NPR2: variants seen among roughly 807,000 people sequenced by gnomAD.
The protein encoded by NPR2 is atrial natriuretic peptide receptor 2.
NPR2 carries 49 observed loss-of-function variants against 120.7 expected under a neutral mutation model. The ratio of observed to expected loss-of-function variants is 0.41; its 90% CI spans 0.32 to 0.52. The LOEUF is 0.52. Among genes scored for constraint, NPR2 ranks in the 20% least tolerant of loss-of-function variants. The pLI, the probability that NPR2 is intolerant of heterozygous loss-of-function variation, is 0.36. For synonymous variants in NPR2, 484 were observed against 519.8 expected (o/e 0.93, Z 0.94); for missense variants, 931 against 1,362.9 (o/e 0.68, Z 4.99).
rs555703772 is a variant in NPR2, at chr9:35,803,294, C to T, written c.1887+491C>T. ...AATTTTTTTGTATTTTTAGTAGAGA[C>T]GGGGTTTCACCGTTTTAGCCGGGAT... On this transcript the variant is annotated intron_variant, in intron 12 of 21. Coordinates refer to ENST00000342694, the MANE Select transcript of NPR2 (RefSeq NM_003995.4). Among the ~76,000 whole-genome samples, 108 of 102,282 alleles carry T rather than the reference C, an allele frequency of 1.1e-3. 11 individuals carry two copies. The South Asian group carries it at 0.026, about 25-fold the overall frequency. The allele number at this position is 102,282 out of a possible 152,430, so 67.1% of individuals were successfully genotyped here. A position where few individuals can be genotyped will look rare whatever the true frequency, so the allele number is the denominator to read the frequency against.
At chr9:35,798,733 T>C (rs1297723447) in intron 2 of NPR2, among the ~76,000 whole-genome samples, 2 of 152,250 alleles carry the variant, frequency 1.3e-5, no homozygotes, top group African/African-American at 2.4e-5. Context: ...AGTGACTATG[T>C]GGCCTGAGGC....
chr9:35,794,756 A>G (rs1827896306), intron 2 of NPR2, among the ~76,000 whole-genome samples: 1 of 152,172 alleles, frequency 6.6e-6, no homozygotes, highest in Admixed American at 6.5e-5. Context: ...CAGGAAATAA[A>G]GTTGCAAAGG....
chr9:35,803,879 C>A (rs1390438683), intron 12 of NPR2, among the ~76,000 whole-genome samples: 1 of 152,184 alleles, frequency 6.6e-6, no homozygotes, highest in Admixed American at 6.5e-5. Context: ...ATGTCATGCT[C>A]AACTAGAGGT....
chr9:35,806,419 C>T lies in NPR2; in HGVS notation c.2400C>T (p.Asn800=), dbSNP rs761386247. Residue 800 remains asparagine, a synonymous_variant, in exon 16 of 22, where the codon AAC becomes AAT. Transcript: ENST00000342694. This position sits in a 1 kb window ranked among gnomAD's most constrained non-coding sequence, Gnocchi z 4.6. ...NKEGGTSILD[N]LLLRMEQYAN... is the part of the protein sequence containing the mutation. ...AGGGTGGCACCAGCATATTGGACAA[C>T]CTCCTGCTGCGCATGGAACAGTATG... The T allele has an allele frequency of 6.2e-7, 1 of 1,613,648 alleles. No homozygotes were observed. Among genetic ancestry groups the T allele is most frequent in the Non-Finnish European group, 8.5e-7 (1 of 1,179,538 alleles).
intron 2 of NPR2, among the ~76,000 whole-genome samples, chr9:35,796,108 C>T (rs756119974): frequency 6.6e-6 from 1 of 152,216 alleles, no homozygotes; most frequent in East Asian, 1.9e-4. Flanking sequence ...AAGAGAAGAA[C>T]AAGGGGATTG....
chr9:35,801,260 T>C (rs1258361108), intron 7 of NPR2, 106 bp downstream of exon 7: 1 of 860,824 alleles, frequency 1.2e-6, no homozygotes, highest in African/African-American at 1.7e-5. Flanking sequence ...GTAGGTTTCT[T>C]AATTTGCTGG....
In NPR2 at chr9:35,809,372, A is replaced by G. The variant is rs1325665973; in HGVS notation, c.3079-8A>G. On this transcript the variant is annotated splice_polypyrimidine_tract_variant and splice_region_variant and intron_variant, in intron 21 of 21. Coordinates refer to ENST00000342694, the MANE Select transcript of NPR2 (RefSeq NM_003995.4). This position sits in a 1 kb window ranked among gnomAD's most constrained non-coding sequence, Gnocchi z 4.1. The stretch of plus-strand genomic sequence containing the variant: ...GCATCTGAATCATGTCCACTCTCCC[A>G]CTTCCAGGGAAAAGGAAAGATGCGA... 1 of 1,614,030 alleles carries G rather than the reference A, an allele frequency of 6.2e-7. No homozygotes were observed. The highest frequency in any genetic ancestry group is 8.5e-7 in the Non-Finnish European group (1 of 1,180,018).
intron 2 of NPR2, among the ~76,000 whole-genome samples, chr9:35,795,668 T>G (rs1312167467): frequency 1.3e-5 from 2 of 152,194 alleles, no homozygotes; most frequent in East Asian, 3.9e-4. Context: ...GCAGGTTTTG[T>G]TTATGCCATA....
rs1260895953 is a variant in NPR2 at position 35,800,759 on chromosome 9, G to T, written c.1269G>T (p.Arg423=). 1.9e-6 allele frequency: 3 copies of T among 1,614,124 alleles called. No individual in the cohort carries two copies. Among genetic ancestry groups the T allele is most frequent in the Non-Finnish European group, 2.5e-6 (3 of 1,179,998 alleles). Residue 423 remains arginine (R), a synonymous_variant, in exon 6 of 22, where the codon CGG becomes CGT. Transcript: ENST00000342694. The surrounding 1 kb of genome is among the most constrained non-coding windows in gnomAD (Gnocchi z 4.7). ...AGAAGCAGATTTGGTGGACGGGACGGCCTATTCCCTGGGTGAAGGGGGCTC... is the reference window on the plus strand; with the variant it reads ...AGAAGCAGATTTGGTGGACGGGACGTCCTATTCCCTGGGTGAAGGGGGCTC... ...GAEKQIWWTG[R]PIPWVKGAPP...
chr9:35,800,154 C>T lies in NPR2; in HGVS notation c.1120C>T (p.His374Tyr). The T allele has an allele frequency of 1.2e-6, 2 of 1,613,502 alleles. No individual in the cohort carries two copies. Among genetic ancestry groups the T allele is most frequent in the South Asian group, 2.2e-5 (2 of 91,058 alleles). ...GGAAAAGATGCAGGGACGAAGATATCACGGTAATGAAGAGGGGTCAATGGG... is the reference window on the plus strand; with the variant it reads ...GGAAAAGATGCAGGGACGAAGATATTACGGTAATGAAGAGGGGTCAATGGG... ...IVEKMQGRRY[H>Y]GVTGLVVMDK... Residue 374 changes from histidine to tyrosine, a missense_variant, in exon 4 of 22, where the codon CAC becomes TAC. His to Tyr is a moderately conservative substitution (Grantham distance 83). Coordinates refer to ENST00000342694, the MANE Select transcript of NPR2 (RefSeq NM_003995.4). This position sits in a 1 kb window ranked among gnomAD's most constrained non-coding sequence, Gnocchi z 4.7.
At position 35,806,183 on chromosome 9, in the gene NPR2, T is replaced by C; in HGVS notation, c.2322T>C (p.Ala774=). The C allele has an allele frequency of 6.2e-7, 1 of 1,614,220 alleles. No individual in the cohort carries two copies. Among genetic ancestry groups the C allele is most frequent in the African/African-American group, 1.3e-5 (1 of 75,062 alleles). ...AGCGATGTTGGGCTCAGGACCCAGC[T>C]GAGCGGCCAGACTTTGGACAGATTA... ...LMERCWAQDP[A]ERPDFGQIKG... is the part of the protein sequence containing the mutation. The change falls in exon 15 of 22, where the codon GCT becomes GCC. Residue 774 remains alanine (A), a synonymous_variant. Transcript: ENST00000342694. This position sits in a 1 kb window ranked among gnomAD's most constrained non-coding sequence, Gnocchi z 4.6.
At position 35,792,107 on chromosome 9, in the gene NPR2, A is replaced by G; in HGVS notation, c.-302A>G. 2.9e-6 allele frequency: 1 copy of G among 338,984 alleles called. No homozygotes were observed. Among genetic ancestry groups the G allele is most frequent in the Non-Finnish European group, 5.5e-6 (1 of 183,396 alleles). The allele number at this position is 338,984 out of a possible 1,614,324, so 21.0% of individuals were successfully genotyped here. On this transcript the variant is annotated 5_prime_UTR_variant, in exon 1 of 22. Coordinates refer to ENST00000342694, the MANE Select transcript of NPR2 (RefSeq NM_003995.4). ...AGCTTTAGATTTATCAGGCTTCTTC[A>G]CCTCGCACTGTCCCCATCCTGGCCG...
Position 35,799,747 on chromosome 9 carries a change from C to T in NPR2, c.987+16C>T, listed in dbSNP as rs966583213. On this transcript the variant is annotated intron_variant, in intron 3 of 21. Transcript: ENST00000342694. ...CCCTTCCCTGGTAAGTAGATCTCTC[C>T]CTTCCTGAGAGTCAGGTCAAGCTTT... The T allele has an allele frequency of 9.4e-6, 15 of 1,590,150 alleles. No individual in the cohort carries two copies. The highest frequency in any genetic ancestry group is 1.2e-5 in the Non-Finnish European group (14 of 1,158,526).
In NPR2 at chr9:35,801,722, C is replaced by T. The variant is rs114330365; in HGVS notation, c.1516C>T (p.Arg506Cys). The T allele has an allele frequency of 8.1e-6, 13 of 1,614,158 alleles. No homozygotes were observed. Among genetic ancestry groups the T allele is most frequent in the South Asian group, 3.3e-5 (3 of 91,086 alleles). ...AGAACTGCAGTTTGGCAACTCAGAGCGTTATCACAAAGGTGCAGGCAGTCG... is the reference window on the plus strand; with the variant it reads ...AGAACTGCAGTTTGGCAACTCAGAGTGTTATCACAAAGGTGCAGGCAGTCG... ...WEELQFGNSE[R>C]YHKGAGSRLT... The change falls in exon 8 of 22, where the codon CGT becomes TGT. Residue 506 changes from arginine (R) to cysteine (C), a missense_variant. Transcript: ENST00000342694.
chr9:35,799,440 A>G (rs939676781), intron 2 of NPR2, among the ~76,000 whole-genome samples, 178 bp from the exon 3 acceptor site: 1 of 151,706 alleles, frequency 6.6e-6, no homozygotes, highest in African/African-American at 2.4e-5. Flanking sequence ...ACACACACAC[A>G]CACACGCACA....
At position 35,808,713 on chromosome 9, in the gene NPR2, C is replaced by G; in HGVS notation, c.2887+30C>G. The G allele has an allele frequency of 6.2e-7, 1 of 1,612,630 alleles. No individual in the cohort carries two copies. Among genetic ancestry groups the G allele is most frequent in the South Asian group, 1.1e-5 (1 of 91,064 alleles). Reference sequence around the variant, plus strand: ...GGCTGACTCTCACTCCAGCCCTAGTCTCCACCTTTCCCAGACTCTCCCAAC... The same window carrying G: ...GGCTGACTCTCACTCCAGCCCTAGTGTCCACCTTTCCCAGACTCTCCCAAC... On this transcript the variant is annotated intron_variant, in intron 19 of 21. Coordinates refer to ENST00000342694, the MANE Select transcript of NPR2 (RefSeq NM_003995.4). The surrounding 1 kb of genome is among the most constrained non-coding windows in gnomAD (Gnocchi z 4.0).
At chr9:35,804,557 G>A (rs540434015) in intron 12 of NPR2, among the ~76,000 whole-genome samples, 2 of 152,244 alleles carry the variant, frequency 1.3e-5, no homozygotes, top group East Asian at 1.9e-4. Context: ...TCAGCTCCTC[G>A]GAGGCAAAGG....
In NPR2 at chr9:35,802,195, C is replaced by G; in HGVS notation, c.1633-11C>G. On this transcript the variant is annotated splice_polypyrimidine_tract_variant and intron_variant, in intron 9 of 21. Transcript: ENST00000342694. The surrounding 1 kb of genome is among the most constrained non-coding windows in gnomAD (Gnocchi z 4.2). ...ATTCACTTTCCTTTCCCCTTTCACTCCCACCATCAGGGAAATGTTGTCGCC... is the reference window on the plus strand; with the variant it reads ...ATTCACTTTCCTTTCCCCTTTCACTGCCACCATCAGGGAAATGTTGTCGCC... The G allele has an allele frequency of 6.4e-7, 1 of 1,570,730 alleles. No homozygotes were observed. Among genetic ancestry groups the G allele is most frequent in the African/African-American group, 1.3e-5 (1 of 74,240 alleles).
intron 7 of NPR2, among the ~76,000 whole-genome samples, 193 bp from the exon 8 acceptor site, chr9:35,801,450 A>G (rs775873562): frequency 6.6e-6 from 1 of 152,224 alleles, no homozygotes; most frequent in East Asian, 1.9e-4. Flanking sequence ...TTTCACCCCC[A>G]GTCTCTGTGT....
Sources: gnomAD v4.1 joint callset for allele counts (sites outside exome capture counted in the v4.1 genomes callset) on GRCh38, gnomAD v4.1.1 for gene constraint, Gnocchi (gnomAD v3.1) non-coding constraint, MANE v1.5 for transcripts, NCBI Gene and HGNC (gene_info 2026-07-23, HGNC 2026-07-21) for gene names.